FAS: variants seen among roughly 807,000 people sequenced by gnomAD.
FAS encodes the protein tumor necrosis factor receptor superfamily member 6.
In FAS, 5 loss-of-function variants were observed where a neutral mutation model predicts 33.2. The observed-to-expected ratio is 0.15, with a 90% CI of 0.08 to 0.32. The LOEUF (loss-of-function observed/expected upper bound fraction) is 0.32. FAS is among the 10% of genes least tolerant of loss of function. The probability of loss-of-function intolerance (pLI) is 1.00; values close to 1 mark genes in which losing one functional copy is unlikely to be tolerated. For synonymous variants in FAS, 131 were observed against 130.7 expected (o/e 1.00, Z -0.01); for missense variants, 339 against 386.0 (o/e 0.88, Z 1.02).
At chr10:88,964,667 G>A (rs1032758992) in intron 1 of FAS, among the ~76,000 whole-genome samples, 2 of 152,180 alleles carry the variant, frequency 1.3e-5, no homozygotes, top group East Asian at 1.9e-4. Flanking sequence ...TCTACTTCTC[G>A]ATTGCTTTCA....
intron 1 of FAS, among the ~76,000 whole-genome samples, chr10:88,969,640 T>C (rs896695351): frequency 1.3e-5 from 2 of 152,206 alleles, no homozygotes; most frequent in Non-Finnish European, 2.9e-5. Context: ...GACCAGTTTC[T>C]CAAGGAAAGA....
At chr10:88,999,516 A>G (rs1270565592) in intron 1 of FAS, among the ~76,000 whole-genome samples, 1 of 152,248 alleles carries the variant, frequency 6.6e-6, no homozygotes, top group East Asian at 1.9e-4. Context: ...TACTCGGTTC[A>G]AATGTAAAAT....
intron 2 of FAS, among the ~76,000 whole-genome samples, chr10:89,005,052 AAATGTTGT>A (rs1442523184): frequency 6.6e-6 from 1 of 152,190 alleles, no homozygotes; most frequent in Non-Finnish European, 1.5e-5. Context: ...TGAGCTGCTA[AAATGTTGT>A]TGATGAATTT....
At chr10:88,964,673 T>C (rs953143031) in intron 1 of FAS, among the ~76,000 whole-genome samples, 1 of 152,162 alleles carries the variant, frequency 6.6e-6, no homozygotes, top group Non-Finnish European at 1.5e-5. Flanking sequence ...TCTCGATTGC[T>C]TTCAACCCAA....
chr10:88,986,902 A>G (rs1846909659), upstream of FAS, among the ~76,000 whole-genome samples: 2 of 151,722 alleles, frequency 1.3e-5, no homozygotes, highest in Non-Finnish European at 3.0e-5. Flanking sequence ...GCAATGTAAA[A>G]GTAAAAATTA....
chr10:88,965,175 T>G (rs1846298601), intron 1 of FAS, among the ~76,000 whole-genome samples: 1 of 152,206 alleles, frequency 6.6e-6, no homozygotes. Flanking sequence ...GCACACTTAC[T>G]TGATGTAAGC....
At chr10:88,973,369 G>A (rs547330329) in intron 2 of FAS, 55 of 1,446,558 alleles carry the variant, frequency 3.8e-5, no homozygotes, top group South Asian at 1.4e-4. Flanking sequence ...ATTGCCAGGC[G>A]AACAATTGTG....
chr10:88,971,916 T>C (rs989953441), intron 1 of FAS, among the ~76,000 whole-genome samples: 13 of 151,796 alleles, frequency 8.6e-5, no homozygotes, highest in Non-Finnish European at 1.9e-4. Context: ...GGACTACTTT[T>C]TTTTTTTTTT....
At chr10:88,967,995 A>G (rs1390029089) in intron 1 of FAS, among the ~76,000 whole-genome samples, 1 of 152,208 alleles carries the variant, frequency 6.6e-6, no homozygotes, top group Non-Finnish European at 1.5e-5. Context: ...GTAACCAGAT[A>G]AAAGTCCTTT....
At chr10:88,971,512 T>A (rs17447091) in intron 1 of FAS, among the ~76,000 whole-genome samples, 15,358 of 152,240 alleles carry the variant, frequency 0.1, 1,000 homozygotes, top group Non-Finnish European at 0.15. Context: ...TTTCCTCAAA[T>A]CCCATCTGAT....
At chr10:88,995,843 C>CA (rs9658686) in intron 1 of FAS, among the ~76,000 whole-genome samples, 50,975 of 151,958 alleles carry the variant, frequency 0.34, 8,975 homozygotes, top group African/African-American at 0.36. Flanking sequence ...AACAAAGAAA[C>CA]AAAAAATCAT....
chr10:89,001,603 A>C (rs1482011434), intron 1 of FAS, among the ~76,000 whole-genome samples: 2 of 151,502 alleles, frequency 1.3e-5, no homozygotes, highest in African/African-American at 4.9e-5. Context: ...GCAGAGTTTC[A>C]GTCATTATCT....
chr10:88,987,112 G>A (rs559014352), upstream of FAS, among the ~76,000 whole-genome samples: 7 of 152,246 alleles, frequency 4.6e-5, no homozygotes, highest in South Asian at 1.4e-3. Flanking sequence ...ATTATTAATA[G>A]ACTTTGTCAC....
intron 1 of FAS, among the ~76,000 whole-genome samples, chr10:89,001,274 T>C (rs1847915492): frequency 6.6e-6 from 1 of 151,914 alleles, no homozygotes; most frequent in Non-Finnish European, 1.5e-5. Flanking sequence ...TTTTTTTTTT[T>C]TTTTGTGCTT....
chr10:88,987,072 C>CCCAAGAA (rs1846918596), upstream of FAS, among the ~76,000 whole-genome samples: 1 of 152,170 alleles, frequency 6.6e-6, no homozygotes, highest in Admixed American at 6.5e-5. Flanking sequence ...CCCAAGAACC[C>CCCAAGAA]ATACATATTT....
At chr10:88,966,594 A>C (rs1846321631) in intron 1 of FAS, among the ~76,000 whole-genome samples, 1 of 152,196 alleles carries the variant, frequency 6.6e-6, no homozygotes, top group South Asian at 2.1e-4. Context: ...AGTTTCACAA[A>C]AGGAAAGCAT....
chr10:88,991,782 A>G (rs1847242419), intron 1 of FAS, among the ~76,000 whole-genome samples: 1 of 152,110 alleles, frequency 6.6e-6, no homozygotes, highest in African/African-American at 2.4e-5. Context: ...CCCGGCGCCT[A>G]TTATTGGCCA....
chr10:88,990,541 C>G (rs777366435), upstream of FAS: 1 of 623,132 alleles, frequency 1.6e-6, no homozygotes, highest in South Asian at 1.5e-5. The surrounding 1 kb of genome is among the most constrained non-coding windows in gnomAD (Gnocchi z 4.9). Context: ...CCTACCCGCG[C>G]GCAGGCCAAG....
At chr10:88,970,870 A>G (rs997941149) in intron 1 of FAS, among the ~76,000 whole-genome samples, 3 of 146,046 alleles carry the variant, frequency 2.1e-5, no homozygotes, top group African/African-American at 7.8e-5. Context: ...AAGTATAATA[A>G]AAAAGTGTGT....
Sources: gnomAD v4.1 joint callset for allele counts (sites outside exome capture counted in the v4.1 genomes callset) on GRCh38, gnomAD v4.1.1 for gene constraint, Gnocchi (gnomAD v3.1) non-coding constraint, MANE v1.5 for transcripts, NCBI Gene and HGNC (gene_info 2026-07-23, HGNC 2026-07-21) for gene names.